Variants in MAP4K3 observed in about 807,000 individuals in gnomAD.
The protein encoded by MAP4K3 is MAPK/ERK kinase kinase kinase 3.
In MAP4K3, 94 loss-of-function variants were observed where a neutral mutation model predicts 143.5. That is an observed-to-expected ratio of 0.65 (90% CI 0.55 to 0.78). The LOEUF (loss-of-function observed/expected upper bound fraction) is 0.78, where lower values mean the gene tolerates loss of function less well. Among genes scored for constraint, MAP4K3 ranks in the 30% least tolerant of loss-of-function variants. The probability of loss-of-function intolerance (pLI) is 0.00; values close to 1 mark genes in which losing one functional copy is unlikely to be tolerated. For missense variants in MAP4K3, 1,077 were observed against 1,068.1 expected (o/e 1.01, Z -0.12); for synonymous variants, 416 against 347.2 (o/e 1.20, Z -2.20).
intron 12 of MAP4K3, among the ~76,000 whole-genome samples, chr2:39,318,686 A>G (rs1332291166): frequency 2.6e-5 from 4 of 152,270 alleles, no homozygotes; most frequent in East Asian, 3.9e-4. Flanking sequence ...AATGCTTTAC[A>G]TGCAACGTGA....
chr2:39,318,831 G>A (rs565069617), intron 12 of MAP4K3, among the ~76,000 whole-genome samples: 1 of 152,164 alleles, frequency 6.6e-6, no homozygotes, highest in South Asian at 2.1e-4. Context: ...ACAAATAACA[G>A]GCCCTTTGCA....
intron 6 of MAP4K3, among the ~76,000 whole-genome samples, chr2:39,333,961 T>TGTGTGTGTGTGTG (rs1683773450): frequency 4.9e-5 from 7 of 144,144 alleles, no homozygotes; most frequent in African/African-American, 1.3e-4. Flanking sequence ...TTTCCCATTT[T>TGTGTGTGTGTGTG]TGTGTGTGTG....
intron 1 of MAP4K3, among the ~76,000 whole-genome samples, chr2:39,397,242 A>G (rs989153077): frequency 2.6e-5 from 4 of 152,222 alleles, no homozygotes; most frequent in Non-Finnish European, 5.9e-5. Context: ...ATGTGCTTTA[A>G]AACAATATTA....
At chr2:39,406,254 A>G (rs1667089165) in intron 1 of MAP4K3, among the ~76,000 whole-genome samples, 1 of 152,190 alleles carries the variant, frequency 6.6e-6, no homozygotes, top group Non-Finnish European at 1.5e-5. Flanking sequence ...CCTCCAAAGG[A>G]CAAATCCAAG....
chr2:39,400,660 T>C, intron 1 of MAP4K3, among the ~76,000 whole-genome samples: 1 of 152,142 alleles, frequency 6.6e-6, no homozygotes. Context: ...TAAGTGAATT[T>C]ATTATTATAA....
chr2:39,347,844 T>C (rs1308464316), intron 3 of MAP4K3, among the ~76,000 whole-genome samples: 2 of 152,098 alleles, frequency 1.3e-5, no homozygotes, highest in Non-Finnish European at 1.5e-5. Context: ...TCATTAATTA[T>C]CTGATTAGAA....
Position 39,280,159 on chromosome 2 carries a change from C to G in MAP4K3, c.1714+113G>C, listed in dbSNP as rs551809619. The G allele has an allele frequency of 1.0e-4, 59 of 573,498 alleles. No individual in the cohort carries two copies. In the East Asian group the frequency reaches 1.8e-3, roughly 18 times the overall value. 35.5% of individuals were successfully genotyped at this position (573,498 alleles called of 1,614,324 possible). On this transcript the variant is annotated intron_variant, in intron 23 of 33. Transcript: ENST00000263881. Reference sequence around the variant, plus strand: ...CCTTAAAATAAAAAAAAAATTATAACAAAACTTTTTTTCCCCAGAAAGATA... The same window carrying G: ...CCTTAAAATAAAAAAAAAATTATAAGAAAACTTTTTTTCCCCAGAAAGATA...
chr2:39,356,440 A>T, intron 2 of MAP4K3, 101 bp from the exon 3 acceptor site: 1 of 668,120 alleles, frequency 1.5e-6, no homozygotes, highest in Non-Finnish European at 2.6e-6. Flanking sequence ...AATAAGTATA[A>T]CATAATTAAT....
At chr2:39,334,295 T>C (rs551657636) in intron 6 of MAP4K3, among the ~76,000 whole-genome samples, 1 of 152,298 alleles carries the variant, frequency 6.6e-6, no homozygotes, top group African/African-American at 2.4e-5. Flanking sequence ...AGCAATACTA[T>C]ATCCCAAAGG....
Position 39,391,860 on chromosome 2 carries a change from CAA to C in MAP4K3, c.97-13739_97-13738del, listed in dbSNP as rs372372811. On this transcript the variant is annotated intron_variant, in intron 1 of 33. Coordinates refer to ENST00000263881, the MANE Select transcript of MAP4K3 (RefSeq NM_003618.4). Reference sequence around the variant, plus strand: ...GGAGATGCTCGTAATCTCGCTGGTACAAAAAGTCTCCTGGACATCACTGATTA... The same window carrying C: ...GGAGATGCTCGTAATCTCGCTGGTACAAAGTCTCCTGGACATCACTGATTA... Among the ~76,000 whole-genome samples the C allele has an allele frequency of 3.9e-3, 587 of 152,098 alleles. 6 individuals carry two copies. The highest frequency in any genetic ancestry group is 0.013 in the African/African-American group (560 of 41,482).
intron 8 of MAP4K3, among the ~76,000 whole-genome samples, 170 bp downstream of exon 8, chr2:39,331,747 A>G (rs1683688648): frequency 6.6e-6 from 1 of 152,008 alleles, no homozygotes; most frequent in African/African-American, 2.4e-5. Context: ...ATGGTAGGAT[A>G]TTTTCTGGCC....
chr2:39,251,008 C>T (rs1233904953), intron 33 of MAP4K3, among the ~76,000 whole-genome samples: 1 of 152,164 alleles, frequency 6.6e-6, no homozygotes, highest in Non-Finnish European at 1.5e-5. Flanking sequence ...AAACGATTTG[C>T]AGTTCAAGAA....
intron 2 of MAP4K3, among the ~76,000 whole-genome samples, chr2:39,361,466 T>C (rs981866565): frequency 1.9e-4 from 29 of 151,732 alleles, no homozygotes; most frequent in African/African-American, 6.5e-4. Context: ...TAAGGCGGTA[T>C]AAACAGTAGA....
At chr2:39,428,349 T>C (rs1040064389) in intron 1 of MAP4K3, among the ~76,000 whole-genome samples, 1 of 152,194 alleles carries the variant, frequency 6.6e-6, no homozygotes, top group African/African-American at 2.4e-5. Context: ...ATCTCATATA[T>C]AAAAGTAAAC....
intron 13 of MAP4K3, among the ~76,000 whole-genome samples, chr2:39,311,251 G>A (rs1682927583): frequency 6.6e-6 from 1 of 152,138 alleles, no homozygotes; most frequent in Non-Finnish European, 1.5e-5. Flanking sequence ...CTAAGTTTTT[G>A]TATTTTTAGT....
In MAP4K3 at chr2:39,250,295, C is replaced by T. The variant is rs2148426683; in HGVS notation, c.*323G>A. On this transcript the variant is annotated 3_prime_UTR_variant, in exon 34 of 34. Coordinates refer to ENST00000263881, the MANE Select transcript of MAP4K3 (RefSeq NM_003618.4). The stretch of plus-strand genomic sequence containing the variant: ...AACATTTACATCTGTACAGATAAGA[C>T]ACTTACTTGTACATCTCATAAAAGT... 9.0e-6 allele frequency: 2 copies of T among 222,264 alleles called. No homozygotes were observed. Among genetic ancestry groups the T allele is most frequent in the African/African-American group, 2.3e-5 (1 of 44,034 alleles). The allele number at this position is 222,264 out of a possible 1,614,324, so 13.8% of individuals were successfully genotyped here.
chr2:39,318,197 A>G (rs1315830189), intron 12 of MAP4K3, among the ~76,000 whole-genome samples: 1 of 152,152 alleles, frequency 6.6e-6, no homozygotes, highest in African/African-American at 2.4e-5. Flanking sequence ...CTAAACACTG[A>G]GTACACATGG....
At chr2:39,337,864 A>G (rs1665019632) in intron 4 of MAP4K3, among the ~76,000 whole-genome samples, 1 of 141,646 alleles carries the variant, frequency 7.1e-6, no homozygotes, top group African/African-American at 2.6e-5. Flanking sequence ...GGCTCAAGTG[A>G]TCCTCCCACC....
chr2:39,295,599 T>C (rs1682241000), intron 16 of MAP4K3, among the ~76,000 whole-genome samples: 1 of 152,040 alleles, frequency 6.6e-6, no homozygotes, highest in African/African-American at 2.4e-5. Context: ...GTTAAGCACA[T>C]GACAATCTTT....
Sources: gnomAD v4.1 joint callset for allele counts (sites outside exome capture counted in the v4.1 genomes callset) on GRCh38, gnomAD v4.1.1 for gene constraint, MANE v1.5 for transcripts, NCBI Gene and HGNC (gene_info 2026-07-23, HGNC 2026-07-21) for gene names.